TFDP2: variants seen among roughly 807,000 people sequenced by gnomAD.
TFDP2 encodes transcription factor Dp-2 (E2F dimerization partner 2).
TFDP2 carries 17 observed loss-of-function variants against 59.3 expected under a neutral mutation model. The ratio of observed to expected loss-of-function variants is 0.29; its 90% confidence interval spans 0.20 to 0.43. The LOEUF (loss-of-function observed/expected upper bound fraction) is 0.43. TFDP2 is among the 20% of genes least tolerant of loss of function. The pLI is 1.00. For synonymous variants in TFDP2, 180 were observed against 194.7 expected, an observed-to-expected ratio of 0.92 and a Z score of 0.63; for missense variants, 391 against 528.8, an observed-to-expected ratio of 0.74 and a Z score of 2.56.
At chr3:142,010,696 A>G (rs1192434252) in intron 3 of TFDP2, among the ~76,000 whole-genome samples, 1 of 151,362 alleles carries the variant, frequency 6.6e-6, no homozygotes, top group Non-Finnish European at 1.5e-5. Flanking sequence ...CTCGTCTGAC[A>G]AAGGGCTAAT....
chr3:141,994,974 A>C (rs768665159), intron 5 of TFDP2, 46 bp downstream of exon 5: 1 of 1,463,968 alleles, frequency 6.8e-7, no homozygotes, highest in African/African-American at 1.4e-5. Flanking sequence ...AAAAATGTCT[A>C]AACTTTTTTT....
At position 142,073,470 on chromosome 3, in the gene TFDP2, C is replaced by A. The variant is rs866003511; in HGVS notation, c.82+19591G>T. 4.5e-3 allele frequency among the ~76,000 whole-genome samples: 234 copies of A among 52,024 alleles called. 20 individuals are homozygous for A. The highest frequency in any genetic ancestry group is 0.028 in the Middle Eastern group (2 of 72). 34.1% of individuals were successfully genotyped at this position (52,024 alleles called of 152,430 possible). On this transcript the variant is annotated intron_variant, in intron 3 of 12. Coordinates refer to ENST00000489671, the MANE Select transcript of TFDP2 (RefSeq NM_001178139.2). ...AACAAACAAACAACCCCCCCCCCCC[C>A]GCAAAAAAAAAAAATAAAAAAGACA... is the stretch of plus-strand genomic sequence containing the variant.
rs1297664634 is a variant in TFDP2, at chr3:141,959,804, C to T, written c.921G>A (p.Glu307=). ...EYLFNFDNTF[E]IHDDIEVLKR... ...TTAGTACTTCTATGTCATCATGGATCTCAAAGGTGTTGTCAAAATTGAAAA... is the reference window on the plus strand; with the variant it reads ...TTAGTACTTCTATGTCATCATGGATTTCAAAGGTGTTGTCAAAATTGAAAA... Residue 307 remains glutamate, a synonymous_variant, in exon 11 of 13, where the codon GAG becomes GAA. Transcript: ENST00000489671. 2.5e-6 allele frequency: 4 copies of T among 1,613,958 alleles called. No homozygotes were observed. Among genetic ancestry groups the T allele is most frequent in the Non-Finnish European group, 3.4e-6 (4 of 1,180,020 alleles).
At chr3:142,130,456 ATTGT>A (rs1035749969) in intron 1 of TFDP2, among the ~76,000 whole-genome samples, 2 of 148,984 alleles carry the variant, frequency 1.3e-5, no homozygotes, top group Admixed American at 6.7e-5. Context: ...AATGGGAATT[ATTGT>A]TTGTTTGTTT....
At chr3:142,083,100 T>C (rs1411128058) in intron 3 of TFDP2, among the ~76,000 whole-genome samples, 2 of 152,144 alleles carry the variant, frequency 1.3e-5, no homozygotes, top group Non-Finnish European at 2.9e-5. Context: ...GCAGATAATA[T>C]ATTACATTTT....
chr3:142,089,013 G>A (rs1322854084), intron 3 of TFDP2, among the ~76,000 whole-genome samples: 1 of 151,940 alleles, frequency 6.6e-6, no homozygotes, highest in Non-Finnish European at 1.5e-5. Flanking sequence ...TTTTTTAGTA[G>A]AGACAGGGTT....
intron 3 of TFDP2, among the ~76,000 whole-genome samples, chr3:142,066,615 C>A (rs2060082088): frequency 6.6e-6 from 1 of 152,140 alleles, no homozygotes; most frequent in Non-Finnish European, 1.5e-5. Flanking sequence ...TTCGCACCAT[C>A]ATAAAGTCAA....
intron 3 of TFDP2, among the ~76,000 whole-genome samples, chr3:142,034,093 T>TC: frequency 9.1e-6 from 1 of 109,590 alleles, no homozygotes; most frequent in African/African-American, 3.6e-5. Context: ...GCACCAACTT[T>TC]TTTTTTTTTT....
rs2061055558 is a variant in TFDP2, at chr3:142,093,223, A to T, written c.16-96T>A. On this transcript the variant is annotated intron_variant, in intron 2 of 12. Transcript: ENST00000489671. Reference sequence around the variant, plus strand: ...ATATCTTCCATCAGACATCCATATCAAATATATATAGCCACATCAAATGAA... The same window carrying T: ...ATATCTTCCATCAGACATCCATATCTAATATATATAGCCACATCAAATGAA... 3 of 689,260 alleles carry T rather than the reference A, an allele frequency of 4.4e-6. No homozygotes were observed. The South Asian group carries it at 6.6e-5, about 15-fold the overall frequency. The allele number at this position is 689,260 out of a possible 1,614,324, so 42.7% of individuals were successfully genotyped here.
intron 9 of TFDP2, among the ~76,000 whole-genome samples, chr3:141,969,236 T>C (rs1387484202): frequency 1.0e-5 from 1 of 98,098 alleles, no homozygotes; most frequent in African/African-American, 4.5e-5. Flanking sequence ...ATATGAGATA[T>C]ATATATATAT....
intron 7 of TFDP2, among the ~76,000 whole-genome samples, chr3:141,978,318 C>T (rs79828025): frequency 0.048 from 7,193 of 151,286 alleles, 590 homozygotes; most frequent in African/African-American, 0.16. Flanking sequence ...GAACTCCAGC[C>T]TGGGCGACAG....
At chr3:142,141,396 A>G (rs62282063) in intron 1 of TFDP2, among the ~76,000 whole-genome samples, 28,961 of 152,170 alleles carry the variant, frequency 0.19, 3,072 homozygotes, top group African/African-American at 0.26. Flanking sequence ...ACCAGTCCCA[A>G]TGAGATGAAC....
intron 6 of TFDP2, among the ~76,000 whole-genome samples, chr3:141,984,395 G>A (rs569929498): frequency 1.3e-5 from 2 of 152,274 alleles, no homozygotes; most frequent in South Asian, 4.1e-4. Flanking sequence ...TACTTGGGAG[G>A]CTGAGGCAGA....
At chr3:142,113,351 CG>C (rs2061728440) in intron 1 of TFDP2, among the ~76,000 whole-genome samples, 1 of 151,906 alleles carries the variant, frequency 6.6e-6, no homozygotes, top group African/African-American at 2.4e-5. Context: ...CTCCGCCTCC[CG>C]GGTTCAAGCG....
At chr3:142,005,619 G>A (rs1016291456) in intron 3 of TFDP2, 75 bp from the exon 4 acceptor site, 1 of 916,520 alleles carries the variant, frequency 1.1e-6, no homozygotes, top group South Asian at 1.7e-5. Flanking sequence ...CACACCCATG[G>A]TCCTAATTCA....
chr3:142,097,617 G>C (rs111619501), intron 2 of TFDP2, among the ~76,000 whole-genome samples: 12,962 of 152,160 alleles, frequency 0.085, 697 homozygotes, highest in Middle Eastern at 0.14. Flanking sequence ...CCCAGGAGGT[G>C]GAGGCTGCAG....
intron 3 of TFDP2, among the ~76,000 whole-genome samples, chr3:142,051,148 A>G (rs554942983): frequency 6.6e-6 from 1 of 152,296 alleles, no homozygotes; most frequent in East Asian, 1.9e-4. Context: ...TTGTTCTGGA[A>G]GACTCTCCTG....
At chr3:141,967,442 G>A (rs1192418966) in intron 9 of TFDP2, among the ~76,000 whole-genome samples, 9 of 149,844 alleles carry the variant, frequency 6.0e-5, no homozygotes, top group Non-Finnish European at 1.2e-4. Flanking sequence ...ACAGGCATGC[G>A]CCACCATGCC....
At chr3:142,068,581 T>A (rs1467616323) in intron 3 of TFDP2, among the ~76,000 whole-genome samples, 1 of 151,958 alleles carries the variant, frequency 6.6e-6, no homozygotes, top group Non-Finnish European at 1.5e-5. Flanking sequence ...TTTTTTTTTT[T>A]AGAAAGGGTC....
Sources: gnomAD v4.1 joint callset for allele counts (sites outside exome capture counted in the v4.1 genomes callset) on GRCh38, gnomAD v4.1.1 for gene constraint, MANE v1.5 for transcripts, NCBI Gene and HGNC (gene_info 2026-07-23, HGNC 2026-07-21) for gene names.